The following PLPPR5 variants were observed in gnomAD, a reference collection of about 807,000 sequenced individuals.
The protein encoded by PLPPR5 is phospholipid phosphatase related 5, also known as phospholipid phosphatase-related protein type 5.
PLPPR5 carries 16 observed loss-of-function variants against 33.9 expected under a neutral mutation model. The ratio of observed to expected loss-of-function variants is 0.47; its 90% CI spans 0.32 to 0.72. The LOEUF is 0.72. Ranked by LOEUF, PLPPR5 falls within the 30% of genes least tolerant of loss-of-function variation. The probability of loss-of-function intolerance (pLI) is 0.03; values close to 1 mark genes in which losing one functional copy is unlikely to be tolerated. For synonymous variants in PLPPR5, 163 were observed against 150.3 expected (o/e 1.08, Z -0.62); for missense variants, 301 against 406.7 (o/e 0.74, Z 2.23).
chr1:99,001,671 G>GATATATAT (rs55722150), intron 1 of PLPPR5, among the ~76,000 whole-genome samples: 3,514 of 102,012 alleles, frequency 0.034, 164 homozygotes, highest in Middle Eastern at 0.042. Flanking sequence ...GAAAGTTAAA[G>GATATATAT]ATATATATAT....
intron 1 of PLPPR5, among the ~76,000 whole-genome samples, chr1:98,975,962 T>A (rs1181330631): frequency 6.6e-6 from 1 of 151,808 alleles, no homozygotes; most frequent in Non-Finnish European, 1.5e-5. Context: ...ATATATATAC[T>A]AAGAGTTTAT....
chr1:98,953,352 T>A (rs754701177), intron 2 of PLPPR5, 32 bp from the exon 3 acceptor site: 13 of 1,572,280 alleles, frequency 8.3e-6, no homozygotes, highest in Admixed American at 1.8e-5. Context: ...TTTAACTTCT[T>A]GCTTGTGTGT....
intron 1 of PLPPR5, among the ~76,000 whole-genome samples, chr1:98,973,256 A>G (rs1388135293): frequency 1.3e-5 from 2 of 152,150 alleles, no homozygotes; most frequent in Non-Finnish European, 2.9e-5. Context: ...AAAATTTAAA[A>G]TATACAAATA....
chr1:98,905,829 C>G (rs187411252), intron 5 of PLPPR5, among the ~76,000 whole-genome samples: 151 of 152,034 alleles, frequency 9.9e-4, no homozygotes, highest in African/African-American at 3.5e-3. Flanking sequence ...TAGTTTAATT[C>G]CTAAATTCTT....
intron 5 of PLPPR5, among the ~76,000 whole-genome samples, chr1:98,899,026 G>A (rs1443706046): frequency 6.6e-6 from 1 of 152,122 alleles, no homozygotes; most frequent in Non-Finnish European, 1.5e-5. Flanking sequence ...CAGATCTTTA[G>A]AGGCACTGAT....
intron 5 of PLPPR5, among the ~76,000 whole-genome samples, chr1:98,910,759 C>T (rs986622682): frequency 6.6e-6 from 1 of 151,980 alleles, no homozygotes; most frequent in African/African-American, 2.4e-5. Flanking sequence ...CACACTGGGA[C>T]CATTTAAACA....
chr1:98,955,385 C>A (rs1386021176), intron 2 of PLPPR5, among the ~76,000 whole-genome samples: 1 of 152,026 alleles, frequency 6.6e-6, no homozygotes, highest in African/African-American at 2.4e-5. Context: ...GCATCAATTT[C>A]TTTAAATAGT....
intron 1 of PLPPR5, among the ~76,000 whole-genome samples, chr1:98,995,499 A>T (rs1163145342): frequency 1.3e-5 from 2 of 152,150 alleles, no homozygotes; most frequent in Non-Finnish European, 2.9e-5. Context: ...TATGTGGGTT[A>T]ACTAAAATAG....
intron 1 of PLPPR5, among the ~76,000 whole-genome samples, chr1:98,975,469 T>G (rs1651814897): frequency 6.6e-6 from 1 of 152,042 alleles, no homozygotes; most frequent in Non-Finnish European, 1.5e-5. Context: ...GATGAAGCCT[T>G]TTGAGGTTTC....
chr1:98,987,223 C>A (rs1353501087), intron 1 of PLPPR5, among the ~76,000 whole-genome samples: 2 of 151,710 alleles, frequency 1.3e-5, no homozygotes, highest in African/African-American at 4.8e-5. Flanking sequence ...CCCGGAAAAA[C>A]TTCTAAGGAT....
chr1:98,893,378 T>C (rs1390942145), intron 5 of PLPPR5, among the ~76,000 whole-genome samples: 1 of 152,064 alleles, frequency 6.6e-6, no homozygotes. Flanking sequence ...AAAATGGCAA[T>C]GCCAGACACG....
At chr1:98,948,362 C>A (rs1467060879) in intron 3 of PLPPR5, among the ~76,000 whole-genome samples, 1 of 152,080 alleles carries the variant, frequency 6.6e-6, no homozygotes, top group Non-Finnish European at 1.5e-5. Flanking sequence ...CAACGATTGG[C>A]CACCAATGAG....
intron 1 of PLPPR5, among the ~76,000 whole-genome samples, chr1:98,975,492 G>T (rs538641251): frequency 7.2e-5 from 11 of 152,150 alleles, no homozygotes; most frequent in Non-Finnish European, 1.2e-4. Context: ...CGGAATATTT[G>T]TTGCCAATAT....
At chr1:98,900,976 G>C (rs1349261944) in intron 5 of PLPPR5, among the ~76,000 whole-genome samples, 3 of 152,068 alleles carry the variant, frequency 2.0e-5, no homozygotes, top group Admixed American at 2.0e-4. Flanking sequence ...CAATCTCACT[G>C]CTAGGTATTT....
At chr1:98,926,432 G>T (rs1430246886) in intron 3 of PLPPR5, among the ~76,000 whole-genome samples, 5 of 149,506 alleles carry the variant, frequency 3.3e-5, no homozygotes, top group Non-Finnish European at 7.4e-5. Context: ...ATCTAACAGG[G>T]CACTAGGTTT....
At chr1:98,910,681 C>T (rs1370178288) in intron 5 of PLPPR5, among the ~76,000 whole-genome samples, 1 of 152,130 alleles carries the variant, frequency 6.6e-6, no homozygotes, top group Non-Finnish European at 1.5e-5. Flanking sequence ...GGGCACAAGG[C>T]AGTAACCAGC....
intron 1 of PLPPR5, among the ~76,000 whole-genome samples, chr1:98,975,669 GA>G (rs1479529489): frequency 6.6e-6 from 1 of 151,910 alleles, no homozygotes; most frequent in African/African-American, 2.4e-5. Context: ...TATTTACCTG[GA>G]AAAAGGGTCG....
At chr1:98,929,574 CTGG>C (rs1259335911) in intron 3 of PLPPR5, among the ~76,000 whole-genome samples, 4 of 152,198 alleles carry the variant, frequency 2.6e-5, no homozygotes, top group Non-Finnish European at 5.9e-5. Flanking sequence ...TCAGGACCAG[CTGG>C]TACATGAAGT....
chr1:98,972,962 T>C (rs1651708744), intron 1 of PLPPR5, among the ~76,000 whole-genome samples: 1 of 152,066 alleles, frequency 6.6e-6, no homozygotes, highest in Non-Finnish European at 1.5e-5. Context: ...ATGTGAAGTT[T>C]AGAAAAAGGG....
Sources: gnomAD v4.1 joint callset for allele counts (sites outside exome capture counted in the v4.1 genomes callset) on GRCh38, gnomAD v4.1.1 for gene constraint, MANE v1.5 for transcripts, NCBI Gene and HGNC (gene_info 2026-07-23, HGNC 2026-07-21) for gene names.